Variants in GHR observed in about 807,000 individuals in gnomAD.
GHR encodes GH receptor.
Under a neutral mutation model 67.1 loss-of-function variants are expected in GHR, and 35 were observed. The ratio of observed to expected loss-of-function variants is 0.52; its 90% CI spans 0.40 to 0.69. The LOEUF is 0.69. Ranked by LOEUF, GHR falls within the 30% of genes least tolerant of loss-of-function variation. GHR has a pLI of 0.00. For synonymous variants in GHR, 272 were observed against 269.1 expected (o/e 1.01, Z -0.10); for missense variants, 792 against 764.6 (o/e 1.04, Z -0.42).
chr5:42,687,539 G>A (rs1050137871), intron 3 of GHR, among the ~76,000 whole-genome samples: 16 of 152,102 alleles, frequency 1.1e-4, no homozygotes, highest in South Asian at 2.1e-4. Flanking sequence ...CAAAATTTGC[G>A]TTTAATAATG....
chr5:42,561,592 T>C (rs1254980214), intron 1 of GHR, among the ~76,000 whole-genome samples: 1 of 152,208 alleles, frequency 6.6e-6, no homozygotes, highest in African/African-American at 2.4e-5. Flanking sequence ...TGCTGGGCAG[T>C]CTACAGATTT....
At chr5:42,528,178 T>C (rs1747792760) in intron 1 of GHR, among the ~76,000 whole-genome samples, 1 of 152,138 alleles carries the variant, frequency 6.6e-6, no homozygotes, top group Non-Finnish European at 1.5e-5. Flanking sequence ...ATTTAAGAAA[T>C]ACATCTTGTA....
intron 6 of GHR, among the ~76,000 whole-genome samples, chr5:42,701,312 G>C (rs1171915189): frequency 6.6e-6 from 1 of 152,198 alleles, no homozygotes. Flanking sequence ...CACGTTTGAA[G>C]TTCTTGATGA....
Position 42,522,289 on chromosome 5 carries a change from A to G in GHR, c.-11-43575A>G, listed in dbSNP as rs1747511758. ...CAAAAAAATTTTTCTCATTCATCAT[A>G]TAAGAAATTTATGCATTTTAGTATG... On this transcript the variant is annotated intron_variant, in intron 1 of 9. Coordinates refer to ENST00000230882, the MANE Select transcript of GHR (RefSeq NM_000163.5). 4.6e-5 allele frequency among the ~76,000 whole-genome samples: 7 copies of G among 152,220 alleles called. No individual in the cohort carries two copies. The South Asian group carries it at 1.4e-3, about 31-fold the overall frequency.
At chr5:42,526,552 A>G (rs967887178) in intron 1 of GHR, among the ~76,000 whole-genome samples, 2 of 152,218 alleles carry the variant, frequency 1.3e-5, no homozygotes, top group African/African-American at 4.8e-5. Context: ...ATACGTCAAT[A>G]GAAGATCTAA....
chr5:42,659,459 A>G (rs1487134539), intron 3 of GHR: 5 of 152,238 alleles, frequency 3.3e-5, no homozygotes, highest in African/African-American at 4.8e-5. Flanking sequence ...TTGAGTATCT[A>G]TGAACTCGAT....
intron 1 of GHR, among the ~76,000 whole-genome samples, chr5:42,432,821 A>T (rs1743153453): frequency 6.6e-6 from 1 of 152,232 alleles, no homozygotes; most frequent in Non-Finnish European, 1.5e-5. Flanking sequence ...TCAATGTAGC[A>T]CCTTATTTCC....
chr5:42,633,294 G>GTT (rs1407342398), intron 3 of GHR, among the ~76,000 whole-genome samples: 3 of 152,146 alleles, frequency 2.0e-5, no homozygotes, highest in African/African-American at 7.2e-5. Context: ...ATTAGTCTAA[G>GTT]TTTTCATGAA....
chr5:42,658,325 C>T (rs1755369296), intron 3 of GHR, among the ~76,000 whole-genome samples: 1 of 152,134 alleles, frequency 6.6e-6, no homozygotes, highest in African/African-American at 2.4e-5. Context: ...AGCTTTGCTA[C>T]TTATTACCTT....
chr5:42,585,463 C>A (rs1346582920), intron 2 of GHR, among the ~76,000 whole-genome samples: 1 of 152,196 alleles, frequency 6.6e-6, no homozygotes, highest in South Asian at 2.1e-4. Context: ...AAAGGCTGAG[C>A]TCCAGGCAGC....
intron 1 of GHR, among the ~76,000 whole-genome samples, chr5:42,432,165 A>G (rs1743123504): frequency 1.3e-5 from 2 of 152,238 alleles, no homozygotes; most frequent in Non-Finnish European, 2.9e-5. Context: ...CTATTCCTTT[A>G]GAATACAGTA....
chr5:42,543,748 C>T (rs1002076557), intron 1 of GHR, among the ~76,000 whole-genome samples: 7 of 152,016 alleles, frequency 4.6e-5, no homozygotes, highest in South Asian at 2.1e-4. Flanking sequence ...ATCAATTATT[C>T]GATTTTATAA....
intron 1 of GHR, among the ~76,000 whole-genome samples, chr5:42,430,305 C>T (rs934158463): frequency 6.6e-6 from 1 of 152,076 alleles, no homozygotes; most frequent in African/African-American, 2.4e-5. Flanking sequence ...TTGTGAATTC[C>T]CCTTGCCACC....
At chr5:42,477,680 T>G (rs1266933999) in intron 1 of GHR, among the ~76,000 whole-genome samples, 1 of 152,248 alleles carries the variant, frequency 6.6e-6, no homozygotes, top group Non-Finnish European at 1.5e-5. Flanking sequence ...ATAAATGTCT[T>G]CTTTTGAGAA....
At chr5:42,641,878 C>T (rs1255944341) in intron 3 of GHR, among the ~76,000 whole-genome samples, 4 of 152,126 alleles carry the variant, frequency 2.6e-5, no homozygotes, top group Admixed American at 2.0e-4. Flanking sequence ...ACCTCTGCTT[C>T]TTGAGGTTTT....
rs1354072564 is a variant in GHR, at chr5:42,424,574, C to A, written c.-12+619C>A. ...GATGGAACTGGGGTCAGTAGAGTGACAGCCACCAGTCCGCATGAACTGGGG... is the reference window on the plus strand; with the variant it reads ...GATGGAACTGGGGTCAGTAGAGTGAAAGCCACCAGTCCGCATGAACTGGGG... On this transcript the variant is annotated intron_variant, in intron 1 of 9. Transcript: ENST00000230882. The surrounding 1 kb of genome is among the most constrained non-coding windows in gnomAD (Gnocchi z 4.1). The A allele has an allele frequency of 2.0e-6, 3 of 1,534,604 alleles. No homozygotes were observed. The highest frequency in any genetic ancestry group is 2.6e-6 in the Non-Finnish European group (3 of 1,146,004).
intron 1 of GHR, among the ~76,000 whole-genome samples, chr5:42,425,751 T>A (rs1742824713): frequency 6.6e-6 from 1 of 152,238 alleles, no homozygotes; most frequent in Admixed American, 6.5e-5. Flanking sequence ...TCTCATCATC[T>A]TCTTCCACCC....
chr5:42,660,905 G>C (rs372043273), intron 3 of GHR, among the ~76,000 whole-genome samples: 1 of 152,172 alleles, frequency 6.6e-6, no homozygotes, highest in African/African-American at 2.4e-5. Flanking sequence ...ATACAGAGAA[G>C]TGCTTAAAGG....
intron 1 of GHR, among the ~76,000 whole-genome samples, chr5:42,473,294 G>A (rs544245742): frequency 2.0e-5 from 3 of 152,268 alleles, no homozygotes; most frequent in Middle Eastern, 3.4e-3. Context: ...GCAACGGCGC[G>A]ATCTCGGGTC....
Sources: allele counts gnomAD v4.1 joint callset (sites outside exome capture counted in the v4.1 genomes callset), GRCh38; gene constraint gnomAD v4.1.1; non-coding constraint Gnocchi (gnomAD v3.1); transcripts MANE v1.5; gene names NCBI Gene and HGNC (gene_info 2026-07-23, HGNC 2026-07-21).